Variants in TRPM3 observed in about 807,000 individuals in gnomAD.
The protein encoded by TRPM3 is long transient receptor potential channel 3.
Under a neutral mutation model 181.2 loss-of-function variants are expected in TRPM3, and 77 were observed. That is an observed-to-expected ratio of 0.42 (90% CI 0.35 to 0.51). The LOEUF (loss-of-function observed/expected upper bound fraction) is 0.51, where lower values mean the gene tolerates loss of function less well. Ranked by LOEUF, TRPM3 falls within the 20% of genes least tolerant of loss-of-function variation. The probability of loss-of-function intolerance (pLI) is 0.01; values close to 1 mark genes in which losing one functional copy is unlikely to be tolerated. For synonymous variants in TRPM3, 745 were observed against 796.4 expected (o/e 0.94, Z 1.09); for missense variants, 1,759 against 2,196.7 (o/e 0.80, Z 3.98).
chr9:71,226,533 T>G (rs1365749738), intron 1 of TRPM3, among the ~76,000 whole-genome samples: 1 of 152,130 alleles, frequency 6.6e-6, no homozygotes, highest in African/African-American at 2.4e-5. Context: ...GTAGCTATAC[T>G]TATATCAGAC....
intron 3 of TRPM3, among the ~76,000 whole-genome samples, chr9:70,850,592 C>A (rs948599408): frequency 1.3e-5 from 2 of 152,144 alleles, no homozygotes; most frequent in Admixed American, 6.5e-5. Flanking sequence ...AATCATACCT[C>A]AGTAAAGTGG....
intron 1 of TRPM3, among the ~76,000 whole-genome samples, chr9:71,149,728 C>T (rs2075624988): frequency 1.3e-5 from 2 of 152,116 alleles, no homozygotes; most frequent in South Asian, 4.1e-4. Context: ...AATCCCAGAA[C>T]TTTGGGAGGC....
intron 12 of TRPM3, among the ~76,000 whole-genome samples, chr9:70,631,253 C>T (rs1028791985): frequency 2.6e-5 from 4 of 152,122 alleles, no homozygotes; most frequent in Admixed American, 6.5e-5. Flanking sequence ...GGCAATATAT[C>T]GGGCAACCAA....
intron 1 of TRPM3, among the ~76,000 whole-genome samples, chr9:71,404,965 T>C (rs1412012773): frequency 1.3e-5 from 2 of 152,180 alleles, no homozygotes; most frequent in Non-Finnish European, 2.9e-5. Flanking sequence ...CCAGGAAGCA[T>C]TGGTCCATGA....
At chr9:70,653,214 A>G (rs2059818074) in intron 9 of TRPM3, among the ~76,000 whole-genome samples, 2 of 152,178 alleles carry the variant, frequency 1.3e-5, no homozygotes, top group African/African-American at 4.8e-5. Flanking sequence ...ATATTCATGA[A>G]TGGAAAAGAA....
chr9:71,070,869 T>C (rs772523884), intron 1 of TRPM3, among the ~76,000 whole-genome samples: 43 of 152,202 alleles, frequency 2.8e-4, no homozygotes, highest in Non-Finnish European at 1.2e-4. Flanking sequence ...GGGCTTAAAA[T>C]ATACAGACTA....
At chr9:70,690,450 G>A (rs569917921) in intron 8 of TRPM3, among the ~76,000 whole-genome samples, 2 of 152,012 alleles carry the variant, frequency 1.3e-5, no homozygotes, top group Admixed American at 1.3e-4. Flanking sequence ...CATAGAATCT[G>A]GCAATGTGTT....
At chr9:70,549,695 G>T (rs1889914) in intron 24 of TRPM3, 21 bp from the exon 25 acceptor site, 1 of 1,564,554 alleles carries the variant, frequency 6.4e-7, no homozygotes, top group East Asian at 2.3e-5. Flanking sequence ...AAAAAAAAAG[G>T]AAGTCTTGAG....
intron 7 of TRPM3, among the ~76,000 whole-genome samples, chr9:70,782,770 A>AATTATT (rs529479180): frequency 2.0e-5 from 3 of 151,440 alleles, no homozygotes; most frequent in African/African-American, 4.8e-5. Context: ...AGTTTATAAA[A>AATTATT]ATTATTATTA....
chr9:71,411,493 C>T (rs1357991253), intron 1 of TRPM3, among the ~76,000 whole-genome samples: 2 of 152,150 alleles, frequency 1.3e-5, no homozygotes, highest in Admixed American at 6.5e-5. Flanking sequence ...AGTGAACTCC[C>T]GTTCACAATT....
chr9:71,363,525 T>G (rs537903568), intron 1 of TRPM3, among the ~76,000 whole-genome samples: 1 of 152,234 alleles, frequency 6.6e-6, no homozygotes, highest in Admixed American at 6.5e-5. Flanking sequence ...TATTTCTAAC[T>G]CAACAAGTTG....
intron 1 of TRPM3, among the ~76,000 whole-genome samples, chr9:70,949,924 A>G (rs2096979612): frequency 6.6e-6 from 1 of 152,188 alleles, no homozygotes; most frequent in Admixed American, 6.5e-5. Flanking sequence ...TTTCTTTCCC[A>G]TGCCTAACCT....
At position 70,560,656 on chromosome 9, in the gene TRPM3, G is replaced by A. The variant is rs75994368; in HGVS notation, c.3224-7346C>T. On this transcript the variant is annotated intron_variant, in intron 22 of 25. Coordinates refer to ENST00000677713, the MANE Select transcript of TRPM3 (RefSeq NM_001366145.2). Reference sequence around the variant, plus strand: ...CCTTTCCTTGGTGCCTCTGAAGAAGGAGCCAACGTGGGATTGAGAGGAATC... The same window carrying A: ...CCTTTCCTTGGTGCCTCTGAAGAAGAAGCCAACGTGGGATTGAGAGGAATC... Among the ~76,000 whole-genome samples the A allele has an allele frequency of 3.0e-3, 463 of 152,290 alleles. 3 individuals carry two copies. The highest frequency in any genetic ancestry group is 0.01 in the African/African-American group (436 of 41,560).
chr9:71,425,469 C>T lies in TRPM3; in HGVS notation c.183+21184G>A, dbSNP rs150982545. 7.0e-4 allele frequency among the ~76,000 whole-genome samples: 106 copies of T among 152,222 alleles called. No individual in the cohort carries two copies. The South Asian group carries it at 0.013, about 19-fold the overall frequency. On this transcript the variant is annotated intron_variant, in intron 1 of 24. Transcript: ENST00000357533. ...TAGGACCCATTCTTGATTCATGTGC[C>T]TCTCTTAACACCCACATGCATATTA...
At chr9:70,946,208 T>C (rs537289333) in intron 1 of TRPM3, among the ~76,000 whole-genome samples, 2 of 152,200 alleles carry the variant, frequency 1.3e-5, no homozygotes, top group South Asian at 2.1e-4. Context: ...GGCACCATCA[T>C]TGCTCACTGC....
chr9:71,052,775 C>T (rs1269471844), intron 1 of TRPM3, among the ~76,000 whole-genome samples: 1 of 151,648 alleles, frequency 6.6e-6, no homozygotes, highest in Non-Finnish European at 1.5e-5. Flanking sequence ...TGAAAATGGC[C>T]AAAGTACCAT....
intron 1 of TRPM3, among the ~76,000 whole-genome samples, chr9:71,177,610 TG>T (rs199789606): frequency 0.4 from 61,155 of 152,104 alleles, 12,615 homozygotes; most frequent in East Asian, 0.52. Flanking sequence ...AACAGAATCT[TG>T]AGTCATTCAT....
chr9:71,115,931 A>G (rs1490327624), intron 1 of TRPM3, among the ~76,000 whole-genome samples: 1 of 152,104 alleles, frequency 6.6e-6, no homozygotes, highest in Non-Finnish European at 1.5e-5. Context: ...CATTTGATAC[A>G]CACCAGACCA....
intron 8 of TRPM3, among the ~76,000 whole-genome samples, chr9:70,747,298 G>T (rs2075334936): frequency 6.6e-6 from 1 of 152,200 alleles, no homozygotes; most frequent in African/African-American, 2.4e-5. Flanking sequence ...CCAGGTGTGT[G>T]TGTGTGTGTA....
Sources: gnomAD v4.1 joint callset for allele counts (sites outside exome capture counted in the v4.1 genomes callset) on GRCh38, gnomAD v4.1.1 for gene constraint, MANE v1.5 for transcripts, NCBI Gene and HGNC (gene_info 2026-07-23, HGNC 2026-07-21) for gene names.